CCDC88B: variants seen among roughly 807,000 people sequenced by gnomAD.
CCDC88B encodes coiled-coil and HOOK domain protein 88B.
A neutral mutation model predicts 183.7 loss-of-function variants in CCDC88B; 138 were observed. The ratio of observed to expected loss-of-function variants is 0.75; its 90% CI spans 0.65 to 0.87. The LOEUF is 0.87. Among genes scored for constraint, CCDC88B ranks in the 40% least tolerant of loss-of-function variants. The probability of loss-of-function intolerance (pLI) is 0.00; values close to 1 mark genes in which losing one functional copy is unlikely to be tolerated. For synonymous variants in CCDC88B, 835 were observed against 867.5 expected (o/e 0.96, Z 0.66); for missense variants, 1,822 against 1,965.6 (o/e 0.93, Z 1.38).
Position 64,341,859 on chromosome 11 carries a change from C to T in CCDC88B, c.675+117C>T, listed in dbSNP as rs2035872226. The T allele has an allele frequency of 4.0e-6, 3 of 743,902 alleles. No individual in the cohort carries two copies. In the Admixed American group the frequency reaches 1.0e-4, roughly 25 times the overall value. 46.1% of individuals were successfully genotyped at this position (743,902 alleles called of 1,614,324 possible). A position where few individuals can be genotyped will look rare whatever the true frequency, so the allele number is the denominator to read the frequency against. On this transcript the variant is annotated intron_variant, in intron 7 of 26. Transcript: ENST00000356786. ...CAGGCATGGGGTTGTGGTCTGAGGT[C>T]TTGGGCCATCAGTGATGTCACAACC...
rs754816225 is a variant in CCDC88B at position 64,343,903 on chromosome 11, C to A, written c.1444C>A (p.Pro482Thr). Reference protein sequence around the residue: ...RGLLQVLQGQPGGQHPLLEAP... With the variant: ...RGLLQVLQGQTGGQHPLLEAP... ...GCTGCTTCAGGTGCTTCAGGGGCAGCCAGGGGGCCAGGTAAGTCCCCTCCC... is the reference window on the plus strand; with the variant it reads ...GCTGCTTCAGGTGCTTCAGGGGCAGACAGGGGGCCAGGTAAGTCCCCTCCC... Residue 482 changes from proline to threonine, a missense_variant, in exon 13 of 27, where the codon CCA becomes ACA. Coordinates refer to ENST00000356786, the MANE Select transcript of CCDC88B (RefSeq NM_032251.6). 4.0e-5 allele frequency: 64 copies of A among 1,601,964 alleles called. 1 individual carries two copies. The South Asian group carries it at 6.6e-4, about 17-fold the overall frequency.
chr11:64,353,507 C>T lies in CCDC88B; in HGVS notation c.3833+11C>T, dbSNP rs375807715. Reference sequence around the variant, plus strand: ...ACAGCGGGAGTACCTGTGAGTGGGCCGCCTGGGAGCGGGGTGGGGCCTGCA... The same window carrying T: ...ACAGCGGGAGTACCTGTGAGTGGGCTGCCTGGGAGCGGGGTGGGGCCTGCA... On this transcript the variant is annotated intron_variant, in intron 22 of 26. Coordinates refer to ENST00000356786, the MANE Select transcript of CCDC88B (RefSeq NM_032251.6). 1.7e-4 allele frequency: 276 copies of T among 1,608,294 alleles called. No homozygotes were observed. The highest frequency in any genetic ancestry group is 2.1e-4 in the Non-Finnish European group (246 of 1,178,494).
rs1178744690 is a variant in CCDC88B, at chr11:64,344,584, G to T, written c.2043G>T (p.Glu681Asp). 2 of 1,609,454 alleles carry T rather than the reference G, an allele frequency of 1.2e-6. No individual in the cohort carries two copies. Among genetic ancestry groups the T allele is most frequent in the Admixed American group, 3.4e-5 (2 of 58,962 alleles). ...DLATGQAEAREHDQRLEGTVR... is the reference protein window; with the variant it reads ...DLATGQAEARDHDQRLEGTVR... ...CCACGGGACAAGCAGAGGCCAGAGA[G>T]CATGACCAGAGGCTGGAAGGGACGG... Residue 681 changes from glutamate (E) to aspartate (D), a missense_variant, in exon 14 of 27, where the codon GAG (glutamate) becomes GAT (aspartate). By Grantham distance (45) the Glu-to-Asp change is conservative (BLOSUM62 2). Transcript: ENST00000356786. This position sits in a 1 kb window ranked among gnomAD's most constrained non-coding sequence, Gnocchi z 4.5.
rs773590824 is a variant in CCDC88B at position 64,344,719 on chromosome 11, G to A, written c.2178G>A (p.Glu726=). ...AGAGCCTGGCCAGTGGTGTCGCAGA[G>A]CAGGAGGCCCTCAGGGAGGAGGTGG... ...PGESLASGVA[E]QEALREEVAQ... Residue 726 remains glutamate (E), a synonymous_variant, in exon 14 of 27, where the codon GAG becomes GAA. Coordinates refer to ENST00000356786, the MANE Select transcript of CCDC88B (RefSeq NM_032251.6). The surrounding 1 kb of genome is among the most constrained non-coding windows in gnomAD (Gnocchi z 4.5). The A allele has an allele frequency of 9.9e-5, 159 of 1,614,016 alleles. No homozygotes were observed. The highest frequency in any genetic ancestry group is 1.4e-5 in the Non-Finnish European group (16 of 1,180,022).
rs1167509039 is a variant in CCDC88B at position 64,343,276 on chromosome 11, C to G, written c.1160C>G (p.Thr387Ser). 2 of 1,549,834 alleles carry G rather than the reference C, an allele frequency of 1.3e-6. No individual in the cohort carries two copies. The highest frequency in any genetic ancestry group is 1.7e-6 in the Non-Finnish European group (2 of 1,146,800). ...ARERCARLHETQRENLLLRTR... is the reference protein window; with the variant it reads ...ARERCARLHESQRENLLLRTR... ...GAGCGCTGCGCCCGGCTGCACGAGA[C>G]CCAGCGCGAGAACCTGCTGCTGCGA... Residue 387 changes from threonine to serine, a missense_variant, in exon 11 of 27, where the codon ACC becomes AGC. Thr to Ser is a moderately conservative substitution (Grantham distance 58, BLOSUM62 1). Coordinates refer to ENST00000356786, the MANE Select transcript of CCDC88B (RefSeq NM_032251.6).
intron 14 of CCDC88B, among the ~76,000 whole-genome samples, 158 bp downstream of exon 14, chr11:64,345,315 T>C (rs1263687041): frequency 1.3e-5 from 2 of 152,062 alleles, no homozygotes; most frequent in Non-Finnish European, 2.9e-5. Context: ...AAGGTGTGCC[T>C]GGCCTGGGGC....
chr11:64,348,049 CAAAAAA>C (rs551644268), intron 14 of CCDC88B, among the ~76,000 whole-genome samples: 1 of 70,900 alleles, frequency 1.4e-5, no homozygotes, highest in East Asian at 4.2e-4. Context: ...GACTCCGTCT[CAAAAAA>C]AAAAAAAAAA....
At chr11:64,353,971 T>A (rs1379623672) in intron 23 of CCDC88B, 33 bp from the exon 24 acceptor site, 1 of 1,530,008 alleles carries the variant, frequency 6.5e-7, no homozygotes, top group East Asian at 2.3e-5. Context: ...CTCCTCCCTG[T>A]CCTGACCCCC....
At chr11:64,352,482 T>C in intron 19 of CCDC88B, 96 bp downstream of exon 19, 1 of 1,435,834 alleles carries the variant, frequency 7.0e-7, no homozygotes, top group Non-Finnish European at 9.2e-7. Flanking sequence ...AGGAAGCACC[T>C]CCACCTCCGC....
At chr11:64,348,384 G>A (rs539312407) in intron 14 of CCDC88B, among the ~76,000 whole-genome samples, 1 of 152,074 alleles carries the variant, frequency 6.6e-6, no homozygotes, top group Admixed American at 6.5e-5. Flanking sequence ...TTGGGGGAGG[G>A]GGTTCTAGGA....
In CCDC88B at chr11:64,344,131, G is replaced by T; in HGVS notation, c.1590G>T (p.Leu530Phe). Residue 530 changes from leucine to phenylalanine, a missense_variant, in exon 14 of 27, where the codon TTG becomes TTT. By Grantham distance (22) the Leu-to-Phe change is conservative. Transcript: ENST00000356786. This position sits in a 1 kb window ranked among gnomAD's most constrained non-coding sequence, Gnocchi z 4.5. ...CAAGGGATGGAGGCCCCCAGGCCTT[G>T]GACTTGGCTCCCCCGGCATTAGACT... ...QKARDGGPQA[L>F]DLAPPALDSV... 1 of 1,613,230 alleles carries T rather than the reference G, an allele frequency of 6.2e-7. No homozygotes were observed. Among genetic ancestry groups the T allele is most frequent in the Non-Finnish European group, 8.5e-7 (1 of 1,179,838 alleles).
At position 64,344,578 on chromosome 11, in the gene CCDC88B, C is replaced by A. The variant is rs35864060; in HGVS notation, c.2037C>A (p.Ala679=). The A allele has an allele frequency of 1.2e-6, 2 of 1,608,136 alleles. No individual in the cohort carries two copies. The highest frequency in any genetic ancestry group is 2.7e-5 in the African/African-American group (2 of 74,758). ...GLDLATGQAE[A]REHDQRLEGT... ...ACCTGGCCACGGGACAAGCAGAGGC[C>A]AGAGAGCATGACCAGAGGCTGGAAG... is the stretch of plus-strand genomic sequence containing the variant. Residue 679 remains alanine, a synonymous_variant, in exon 14 of 27, where the codon GCC becomes GCA. Transcript: ENST00000356786. This position sits in a 1 kb window ranked among gnomAD's most constrained non-coding sequence, Gnocchi z 4.5.
At chr11:64,351,393 C>T in intron 17 of CCDC88B, 83 bp from the exon 18 acceptor site, 1 of 1,536,002 alleles carries the variant, frequency 6.5e-7, no homozygotes, top group Non-Finnish European at 8.8e-7. Flanking sequence ...GGGGGTGCCC[C>T]ATGCAGTGTG....
chr11:64,355,274 C>T lies in CCDC88B; in HGVS notation c.4180C>T (p.Arg1394Trp), dbSNP rs372410309. 7 of 1,583,274 alleles carry T rather than the reference C, an allele frequency of 4.4e-6. No individual in the cohort carries two copies. The highest frequency in any genetic ancestry group is 4.1e-5 in the African/African-American group (3 of 73,732). ...TGAGACCTTGGCAGGCGGGCAGCGG[C>T]GGAAACTCAGCTCAAGGTTCCCGGT... ...RDETLAGGQR[R>W]KLSSRFPVGR... is the part of the protein sequence containing the mutation. Residue 1394 changes from arginine to tryptophan, a missense_variant, in exon 25 of 27, where the codon CGG becomes TGG. Arg to Trp is a moderately radical substitution (Grantham distance 101). Coordinates refer to ENST00000356786, the MANE Select transcript of CCDC88B (RefSeq NM_032251.6).
At position 64,344,719 on chromosome 11, in the gene CCDC88B, G is replaced by C. The variant is rs773590824; in HGVS notation, c.2178G>C (p.Glu726Asp). 1 of 1,614,016 alleles carries C rather than the reference G, an allele frequency of 6.2e-7. No homozygotes were observed. Among genetic ancestry groups the C allele is most frequent in the Non-Finnish European group, 8.5e-7 (1 of 1,180,022 alleles). ...AGAGCCTGGCCAGTGGTGTCGCAGAGCAGGAGGCCCTCAGGGAGGAGGTGG... is the reference window on the plus strand; with the variant it reads ...AGAGCCTGGCCAGTGGTGTCGCAGACCAGGAGGCCCTCAGGGAGGAGGTGG... ...PGESLASGVA[E>D]QEALREEVAQ... is the part of the protein sequence containing the mutation. Residue 726 changes from glutamate (E) to aspartate (D), a missense_variant, in exon 14 of 27, where the codon GAG (glutamate) becomes GAC (aspartate). Transcript: ENST00000356786. The surrounding 1 kb of genome is among the most constrained non-coding windows in gnomAD (Gnocchi z 4.5).
At chr11:64,354,815 CCCTCCTCTG>C (rs2135315132) in intron 24 of CCDC88B, among the ~76,000 whole-genome samples, 1 of 109,076 alleles carries the variant, frequency 9.2e-6, no homozygotes, top group Non-Finnish European at 1.9e-5. Flanking sequence ...CAGCCTCCCC[CCCTCCTCTG>C]ACCCTCTCCC....
intron 16 of CCDC88B, 125 bp from the exon 17 acceptor site, chr11:64,351,034 TG>T: frequency 1.7e-6 from 1 of 586,560 alleles, no homozygotes; most frequent in Non-Finnish European, 2.8e-6. Flanking sequence ...AGGGAAGGCA[TG>T]GGATTGGGGC....
chr11:64,349,259 T>G, intron 14 of CCDC88B, 72 bp from the exon 15 acceptor site: 5 of 1,480,780 alleles, frequency 3.4e-6, no homozygotes, highest in African/African-American at 1.4e-5. Flanking sequence ...AAGGCAGCTC[T>G]CTTGACTCTC....
At chr11:64,342,397 C>T in intron 9 of CCDC88B, 22 bp downstream of exon 9, 1 of 1,561,064 alleles carries the variant, frequency 6.4e-7, no homozygotes, top group Non-Finnish European at 8.7e-7. Context: ...TGCTCCCCGC[C>T]ACCGCGGCAT....
Sources: allele counts gnomAD v4.1 joint callset (sites outside exome capture counted in the v4.1 genomes callset), GRCh38; gene constraint gnomAD v4.1.1; non-coding constraint Gnocchi (gnomAD v3.1); transcripts MANE v1.5; gene names NCBI Gene and HGNC (gene_info 2026-07-23, HGNC 2026-07-21).